Variants in WWOX observed in about 807,000 individuals in gnomAD.
The protein encoded by WWOX is WW domain containing oxidoreductase.
WWOX carries 69 observed loss-of-function variants against 46.2 expected under a neutral mutation model. That is an observed-to-expected ratio of 1.49 (90% confidence interval 1.23 to 1.82). The LOEUF (loss-of-function observed/expected upper bound fraction) is 1.82, where lower values mean the gene tolerates loss of function less well. WWOX is among the 40% of genes most tolerant of loss of function. The probability of loss-of-function intolerance (pLI) is 0.00; values close to 1 mark genes in which losing one functional copy is unlikely to be tolerated. For missense variants in WWOX, 919 were observed against 542.6 expected (o/e 1.69, Z -6.89); for synonymous variants, 359 against 202.6 (o/e 1.77, Z -6.56).
At position 78,911,026 on chromosome 16, in the gene WWOX, A is replaced by T. The variant is rs185242830; in HGVS notation, c.1057-300582A>T. On this transcript the variant is annotated intron_variant, in intron 8 of 8. Transcript: ENST00000566780. ...CAATTAAAAATAAATTAAAAAAATTAAAAAATGGCTTTCCCACAGCCTGTC... is the reference window on the plus strand; with the variant it reads ...CAATTAAAAATAAATTAAAAAAATTTAAAAATGGCTTTCCCACAGCCTGTC... 1.7e-3 allele frequency among the ~76,000 whole-genome samples: 260 copies of T among 152,200 alleles called. 1 individual carries two copies. Among genetic ancestry groups the T allele is most frequent in the East Asian group, 7.7e-3 (40 of 5,184 alleles).
At chr16:78,449,837 C>G (rs1033708426) in intron 8 of WWOX, among the ~76,000 whole-genome samples, 5 of 151,838 alleles carry the variant, frequency 3.3e-5, no homozygotes, top group Admixed American at 6.6e-5. Context: ...TTGTCTTTCT[C>G]AAGAAATGTG....
At chr16:79,102,211 A>T (rs1159932379) in intron 8 of WWOX, among the ~76,000 whole-genome samples, 1 of 152,166 alleles carries the variant, frequency 6.6e-6, no homozygotes, top group Non-Finnish European at 1.5e-5. Flanking sequence ...TTTCTGAAAG[A>T]TAACTTGCCT....
chr16:78,406,774 G>C (rs1258345974), intron 6 of WWOX, among the ~76,000 whole-genome samples: 1 of 151,950 alleles, frequency 6.6e-6, no homozygotes, highest in East Asian at 1.9e-4. Flanking sequence ...TTACAGTCGT[G>C]TGCCACCACG....
chr16:78,301,169 T>G (rs908715493), intron 5 of WWOX, among the ~76,000 whole-genome samples: 1 of 152,244 alleles, frequency 6.6e-6, no homozygotes, highest in African/African-American at 2.4e-5. Context: ...TCTATGAAAT[T>G]GGTAATAATT....
chr16:79,116,183 G>A (rs1242250447), intron 8 of WWOX, among the ~76,000 whole-genome samples: 3 of 152,168 alleles, frequency 2.0e-5, no homozygotes, highest in Non-Finnish European at 2.9e-5. Flanking sequence ...TGATGTTGAT[G>A]GCTGCTGATG....
chr16:78,489,496 T>G (rs115231468), intron 8 of WWOX, among the ~76,000 whole-genome samples: 2,841 of 152,220 alleles, frequency 0.019, 82 homozygotes, highest in African/African-American at 0.065. Context: ...CTAACCACTT[T>G]CCCAGTGAGA....
At chr16:78,892,173 C>G (rs1456107357) in intron 8 of WWOX, 1 of 152,038 alleles carries the variant, frequency 6.6e-6, no homozygotes, top group Non-Finnish European at 1.5e-5. Flanking sequence ...CCAGCGGAAT[C>G]TAAGAAATTG....
intron 8 of WWOX, among the ~76,000 whole-genome samples, chr16:78,470,314 G>A (rs1350827797): frequency 1.3e-5 from 2 of 152,198 alleles, no homozygotes; most frequent in African/African-American, 2.4e-5. Flanking sequence ...TGCCCAGGAA[G>A]ATGCGGGGCA....
chr16:78,137,682 T>C (rs1403052002), intron 4 of WWOX, among the ~76,000 whole-genome samples: 1 of 152,174 alleles, frequency 6.6e-6, no homozygotes, highest in African/African-American at 2.4e-5. Flanking sequence ...CCTGAAACAG[T>C]CTGCTGAGGG....
chr16:78,936,073 A>G (rs961823781), intron 8 of WWOX, among the ~76,000 whole-genome samples: 32 of 151,946 alleles, frequency 2.1e-4, no homozygotes, highest in African/African-American at 7.7e-4. Context: ...ATAAGTTGGG[A>G]GGGTAAGTAA....
intron 8 of WWOX, among the ~76,000 whole-genome samples, chr16:78,941,677 C>A (rs1378923401): frequency 6.6e-6 from 1 of 152,022 alleles, no homozygotes; most frequent in Non-Finnish European, 1.5e-5. Flanking sequence ...TATTTGCATC[C>A]CCCCTACTCA....
chr16:79,124,166 C>T lies in WWOX; in HGVS notation c.1057-87442C>T, dbSNP rs1407546149. On this transcript the variant is annotated intron_variant, in intron 8 of 8. Coordinates refer to ENST00000566780, the MANE Select transcript of WWOX (RefSeq NM_016373.4). ...ATGGTGCCCCAGAGGGTGAAGCTTC[C>T]TGTTGTCAATTCTGCCCGTTGCTAT... Among the ~76,000 whole-genome samples, 4 of 152,170 alleles carry T rather than the reference C, an allele frequency of 2.6e-5. No homozygotes were observed. The East Asian group carries it at 7.7e-4, about 29-fold the overall frequency.
chr16:78,766,587 C>A (rs1484814429), intron 8 of WWOX, among the ~76,000 whole-genome samples: 1 of 152,166 alleles, frequency 6.6e-6, no homozygotes, highest in Non-Finnish European at 1.5e-5. Flanking sequence ...GAGCTTGTCT[C>A]CTTGTCTCTA....
intron 8 of WWOX, among the ~76,000 whole-genome samples, chr16:78,656,884 A>G (rs2047093364): frequency 6.6e-6 from 1 of 152,152 alleles, no homozygotes; most frequent in Non-Finnish European, 1.5e-5. Flanking sequence ...GAGGCTGTAG[A>G]TACACAGCCG....
chr16:78,993,457 G>C (rs1343818383), intron 8 of WWOX, among the ~76,000 whole-genome samples: 1 of 152,188 alleles, frequency 6.6e-6, no homozygotes, highest in Non-Finnish European at 1.5e-5. Flanking sequence ...TAAGAGAAGA[G>C]TAATTATAGT....
At chr16:78,927,228 T>C (rs2045518913) in intron 8 of WWOX, among the ~76,000 whole-genome samples, 3 of 152,342 alleles carry the variant, frequency 2.0e-5, no homozygotes, top group South Asian at 4.1e-4. Context: ...TTTCAATGCC[T>C]GGCTGGTTGT....
chr16:78,626,626 C>G lies in WWOX; in HGVS notation c.1056+193874C>G, dbSNP rs570645015. Among the ~76,000 whole-genome samples, 90 of 152,270 alleles carry G rather than the reference C, an allele frequency of 5.9e-4. 1 individual carries two copies. The highest frequency in any genetic ancestry group is 1.1e-3 in the Non-Finnish European group (75 of 68,038). On this transcript the variant is annotated intron_variant, in intron 8 of 8. Coordinates refer to ENST00000566780, the MANE Select transcript of WWOX (RefSeq NM_016373.4). Reference sequence around the variant, plus strand: ...GTTCATTAGGTTTCTCCACTGCACACTTAGTCTTTCCCTCTACTTTCCACA... The same window carrying G: ...GTTCATTAGGTTTCTCCACTGCACAGTTAGTCTTTCCCTCTACTTTCCACA...
chr16:78,706,221 A>G (rs1328031714), intron 8 of WWOX, among the ~76,000 whole-genome samples: 1 of 152,156 alleles, frequency 6.6e-6, no homozygotes, highest in African/African-American at 2.4e-5. Flanking sequence ...GCATATGTGT[A>G]GCTTTTTAGA....
intron 5 of WWOX, among the ~76,000 whole-genome samples, chr16:78,381,846 A>G (rs1054239785): frequency 7.9e-5 from 12 of 152,048 alleles, no homozygotes; most frequent in Admixed American, 1.3e-4. Flanking sequence ...CTAGCAGTTT[A>G]TTTTACGGTG....
Sources: allele counts gnomAD v4.1 joint callset (sites outside exome capture counted in the v4.1 genomes callset), GRCh38; gene constraint gnomAD v4.1.1; transcripts MANE v1.5; gene names NCBI Gene and HGNC (gene_info 2026-07-23, HGNC 2026-07-21).